NPAS3: variants seen among roughly 807,000 people sequenced by gnomAD.
NPAS3 encodes neuronal PAS domain protein 3.
A neutral mutation model predicts 73.1 loss-of-function variants in NPAS3; 14 were observed. That is an observed-to-expected ratio of 0.19 (90% CI 0.13 to 0.30). The LOEUF (loss-of-function observed/expected upper bound fraction) is 0.30. NPAS3 is among the 10% of genes least tolerant of loss of function. The pLI is 1.00. For synonymous variants in NPAS3, 620 were observed against 541.5 expected, an observed-to-expected ratio of 1.14 and a Z score of -2.01; for missense variants, 1,096 against 1,250.0, an observed-to-expected ratio of 0.88 and a Z score of 1.86.
At chr14:33,801,862 GAA>G (rs536213920), downstream of NPAS3, 35 of 145,160 alleles carry the variant, frequency 2.4e-4, no homozygotes, top group African/African-American at 8.5e-4. Context: ...GGTTTTGGGG[GAA>G]AAAAAAAAAA....
chr14:33,011,830 A>G (rs981878967), intron 1 of NPAS3, among the ~76,000 whole-genome samples: 1 of 152,166 alleles, frequency 6.6e-6, no homozygotes, highest in Non-Finnish European at 1.5e-5. Flanking sequence ...GTGAGAATTG[A>G]GATGGGCTGC....
At chr14:33,715,330 A>G (rs909944503) in intron 6 of NPAS3, among the ~76,000 whole-genome samples, 14 of 152,196 alleles carry the variant, frequency 9.2e-5, no homozygotes, top group Non-Finnish European at 1.6e-4. Context: ...GTTTATTTCA[A>G]TAAGTCCTTG....
At chr14:33,315,055 C>T (rs1272787494) in intron 3 of NPAS3, among the ~76,000 whole-genome samples, 1 of 151,954 alleles carries the variant, frequency 6.6e-6, no homozygotes. Context: ...TGTGTAAATA[C>T]TGTAGGGGTA....
At position 33,318,216 on chromosome 14, in the gene NPAS3, A is replaced by G. The variant is rs372847358; in HGVS notation, c.386-48970A>G. Among the ~76,000 whole-genome samples, 46 of 152,238 alleles carry G rather than the reference A, an allele frequency of 3.0e-4. 1 individual carries two copies. The East Asian group carries it at 6.8e-3, about 22-fold the overall frequency. The stretch of plus-strand genomic sequence containing the variant: ...TACAACGTCTGTGAACTTTGAGGAC[A>G]TTATGCTAAATGAAACAAGCCAGTC... On this transcript the variant is annotated intron_variant, in intron 3 of 11. Coordinates refer to ENST00000356141, the Ensembl canonical transcript of NPAS3.
chr14:33,552,097 G>A (rs1332322638), intron 4 of NPAS3, among the ~76,000 whole-genome samples: 1 of 152,182 alleles, frequency 6.6e-6, no homozygotes, highest in Non-Finnish European at 1.5e-5. Context: ...GTGAACCTCA[G>A]GCTGTCCTGG....
intron 7 of NPAS3, among the ~76,000 whole-genome samples, chr14:33,752,463 T>C (rs1355378114): frequency 6.6e-6 from 1 of 152,132 alleles, no homozygotes; most frequent in Non-Finnish European, 1.5e-5. Context: ...CTCTTTTTCA[T>C]GTGCAAAAGC....
At chr14:33,382,616 C>T (rs1156454555) in intron 4 of NPAS3, among the ~76,000 whole-genome samples, 3 of 152,064 alleles carry the variant, frequency 2.0e-5, no homozygotes, top group South Asian at 2.1e-4. Context: ...TCAAATGCAG[C>T]TTTGGGGAAT....
intron 2 of NPAS3, among the ~76,000 whole-genome samples, chr14:33,199,027 G>C (rs996051032): frequency 6.6e-6 from 1 of 152,262 alleles, no homozygotes; most frequent in African/African-American, 2.4e-5. Flanking sequence ...CCTGCTGGCC[G>C]CTCCAAGTGT....
intron 2 of NPAS3, among the ~76,000 whole-genome samples, chr14:33,188,422 G>A (rs756451590): frequency 6.6e-6 from 1 of 152,132 alleles, no homozygotes; most frequent in Non-Finnish European, 1.5e-5. Context: ...AAAGAGAATT[G>A]GAGTCCTATT....
intron 6 of NPAS3, among the ~76,000 whole-genome samples, chr14:33,696,431 G>A (rs12431612): frequency 0.1 from 15,754 of 152,190 alleles, 1,041 homozygotes; most frequent in South Asian, 0.3. Context: ...TTGGGCCATC[G>A]AAAGACATAA....
At chr14:33,575,750 A>G (rs1216642108) in intron 5 of NPAS3, among the ~76,000 whole-genome samples, 3 of 152,202 alleles carry the variant, frequency 2.0e-5, no homozygotes, top group Non-Finnish European at 2.9e-5. Context: ...TGATTATAAG[A>G]TAGAAAACTG....
At chr14:33,769,843 C>T (rs938919893) in intron 7 of NPAS3, among the ~76,000 whole-genome samples, 1 of 139,096 alleles carries the variant, frequency 7.2e-6, no homozygotes, top group Non-Finnish European at 1.5e-5. Context: ...CGGCTCACTG[C>T]AGCATCCATC....
chr14:33,667,960 C>T (rs551197601), intron 5 of NPAS3, among the ~76,000 whole-genome samples: 1 of 152,040 alleles, frequency 6.6e-6, no homozygotes, highest in South Asian at 2.1e-4. Context: ...GTGCAGGTTA[C>T]GTAGGTAAAC....
At chr14:33,560,750 A>G (rs895412391) in intron 5 of NPAS3, among the ~76,000 whole-genome samples, 3 of 152,190 alleles carry the variant, frequency 2.0e-5, no homozygotes, top group African/African-American at 7.2e-5. Flanking sequence ...GCTTTTCATT[A>G]TTTGCCATTT....
intron 3 of NPAS3, among the ~76,000 whole-genome samples, chr14:33,280,586 A>G (rs571227510): frequency 6.6e-5 from 10 of 152,282 alleles, no homozygotes; most frequent in African/African-American, 2.4e-4. Context: ...ACTGACTCTG[A>G]TGCCATGTTA....
Position 33,800,411 on chromosome 14 carries a change from G to A in NPAS3, c.2104G>A (p.Gly702Ser), listed in dbSNP as rs577922546. ...CCCGCAGGGCGGCGGCGGTGGGGGT[G>A]GCGGTGGCGGGGGGCTGCACGTGGC... Residue 702 changes from glycine to serine, a missense_variant, in exon 12 of 12, where the codon GGC becomes AGC. Gly to Ser is a moderately conservative substitution (Grantham distance 56, BLOSUM62 0). Transcript: ENST00000356141. The surrounding 1 kb of genome is among the most constrained non-coding windows in gnomAD (Gnocchi z 6.5). The A allele has an allele frequency of 6.3e-6, 10 of 1,599,572 alleles. No homozygotes were observed. The East Asian group carries it at 1.6e-4, about 26-fold the overall frequency.
intron 4 of NPAS3, among the ~76,000 whole-genome samples, chr14:33,547,422 T>C (rs1330687331): frequency 3.9e-5 from 6 of 152,168 alleles, no homozygotes; most frequent in Non-Finnish European, 7.3e-5. Context: ...CCATTCTTGG[T>C]CTTCAAAATT....
chr14:33,148,445 G>A (rs937157314), intron 2 of NPAS3, among the ~76,000 whole-genome samples: 8 of 152,066 alleles, frequency 5.3e-5, no homozygotes, highest in Non-Finnish European at 7.4e-5. Context: ...TGCTTAATAC[G>A]TAGCTAGTCA....
intron 9 of NPAS3, among the ~76,000 whole-genome samples, chr14:33,778,816 C>G (rs2062896604): frequency 6.6e-6 from 1 of 152,336 alleles, no homozygotes; most frequent in East Asian, 1.9e-4. Context: ...TCTGTGGTGT[C>G]TTTTGCTGTC....
Sources: gnomAD v4.1 joint callset for allele counts (sites outside exome capture counted in the v4.1 genomes callset) on GRCh38, gnomAD v4.1.1 for gene constraint, Gnocchi (gnomAD v3.1) non-coding constraint, MANE v1.5 for transcripts, NCBI Gene and HGNC (gene_info 2026-07-23, HGNC 2026-07-21) for gene names.